SORCS3: variants seen among roughly 807,000 people sequenced by gnomAD.
SORCS3 encodes sortilin related VPS10 domain containing receptor 3, also known as VPS10 domain-containing receptor SorCS3.
Under a neutral mutation model 146.3 loss-of-function variants are expected in SORCS3, and 57 were observed. The observed-to-expected ratio is 0.39, with a 90% confidence interval of 0.31 to 0.49. SORCS3 has a LOEUF of 0.49. Among genes scored for constraint, SORCS3 ranks in the 20% least tolerant of loss-of-function variants. SORCS3 has a pLI of 0.92. For synonymous variants in SORCS3, 653 were observed against 618.5 expected, an observed-to-expected ratio of 1.06 and a Z score of -0.83; for missense variants, 1,341 against 1,575.5, an observed-to-expected ratio of 0.85 and a Z score of 2.52.
intron 2 of SORCS3, among the ~76,000 whole-genome samples, chr10:104,856,360 A>G (rs2018331693): frequency 6.6e-6 from 1 of 150,382 alleles, no homozygotes; most frequent in Admixed American, 6.6e-5. Context: ...ATATAGAGAG[A>G]AAGATAAAGG....
intron 1 of SORCS3, among the ~76,000 whole-genome samples, chr10:104,751,549 G>T (rs1589485047): frequency 1.3e-5 from 2 of 152,200 alleles, no homozygotes; most frequent in South Asian, 4.2e-4. Context: ...TAGGTCCATT[G>T]CTCCAAAGCC....
intron 4 of SORCS3, among the ~76,000 whole-genome samples, chr10:105,041,141 CA>C (rs1163636988): frequency 6.8e-6 from 1 of 147,766 alleles, no homozygotes; most frequent in African/African-American, 2.5e-5. Flanking sequence ...GAGCTTGCAA[CA>C]GTTGGTTAGC....
chr10:104,657,709 GC>G (rs2015649917), intron 1 of SORCS3, among the ~76,000 whole-genome samples: 1 of 152,176 alleles, frequency 6.6e-6, no homozygotes, highest in Non-Finnish European at 1.5e-5. Context: ...CTCAATAGGG[GC>G]CTTCAGACTC....
At chr10:104,725,056 T>A (rs540261719) in intron 1 of SORCS3, among the ~76,000 whole-genome samples, 23 of 152,274 alleles carry the variant, frequency 1.5e-4, no homozygotes, top group African/African-American at 5.3e-4. Flanking sequence ...GGTGCTCTGG[T>A]TTTTAGAGTT....
chr10:105,237,447 G>A (rs540494584), intron 20 of SORCS3, among the ~76,000 whole-genome samples: 4 of 152,292 alleles, frequency 2.6e-5, no homozygotes, highest in East Asian at 3.9e-4. Flanking sequence ...TGCATTAATA[G>A]CATTTGTATT....
intron 1 of SORCS3, among the ~76,000 whole-genome samples, chr10:104,776,661 C>A (rs2017311316): frequency 6.6e-6 from 1 of 151,912 alleles, no homozygotes; most frequent in East Asian, 1.9e-4. Flanking sequence ...TCTTAAAGGG[C>A]AGTCCAGAAT....
intron 13 of SORCS3, among the ~76,000 whole-genome samples, chr10:105,173,593 C>T (rs1018258665): frequency 1.3e-4 from 20 of 152,170 alleles, no homozygotes; most frequent in African/African-American, 3.6e-4. Context: ...CAACTCATTT[C>T]CTTGAATCCA....
At chr10:104,950,109 A>G (rs752001163) in intron 3 of SORCS3, among the ~76,000 whole-genome samples, 3 of 152,222 alleles carry the variant, frequency 2.0e-5, no homozygotes, top group Non-Finnish European at 4.4e-5. Context: ...AACAGCAGCA[A>G]GAAGAGCAAA....
intron 25 of SORCS3, among the ~76,000 whole-genome samples, chr10:105,257,336 C>A (rs72819929): frequency 6.6e-6 from 1 of 151,984 alleles, no homozygotes; most frequent in Admixed American, 6.6e-5. Flanking sequence ...GTACAGACAC[C>A]GATGCATTTT....
At chr10:105,242,312 A>ATATATATATTTATACATATATT (rs1564793232) in intron 20 of SORCS3, among the ~76,000 whole-genome samples, 10 of 132,080 alleles carry the variant, frequency 7.6e-5, no homozygotes, top group African/African-American at 2.9e-4. Flanking sequence ...ACATATATTT[A>ATATATATATTTATACATATATT]TATATATATT....
intron 1 of SORCS3, among the ~76,000 whole-genome samples, chr10:104,744,497 AAC>A: frequency 6.6e-6 from 1 of 152,324 alleles, no homozygotes; most frequent in South Asian, 2.1e-4. Context: ...TAATCCTCAC[AAC>A]AATCCTATGG....
At chr10:105,039,865 G>C (rs978926088) in intron 4 of SORCS3, among the ~76,000 whole-genome samples, 4 of 152,236 alleles carry the variant, frequency 2.6e-5, no homozygotes, top group Non-Finnish European at 4.4e-5. Context: ...TGAAACTGAT[G>C]ATTTCTCTGA....
chr10:104,838,108 G>A lies in SORCS3; in HGVS notation c.628-4684G>A, dbSNP rs1333215783. ...GTGTAGTACTTAGCACATAGTAGGAGTGCAATTAATGTTAGCTCCTGCTTA... is the reference window on the plus strand; with the variant it reads ...GTGTAGTACTTAGCACATAGTAGGAATGCAATTAATGTTAGCTCCTGCTTA... On this transcript the variant is annotated intron_variant, in intron 1 of 26. Coordinates refer to ENST00000369701, the MANE Select transcript of SORCS3 (RefSeq NM_014978.3). Among the ~76,000 whole-genome samples, 9 of 152,310 alleles carry A rather than the reference G, an allele frequency of 5.9e-5. No individual in the cohort carries two copies. The South Asian group carries it at 1.0e-3, about 18-fold the overall frequency.
intron 2 of SORCS3, among the ~76,000 whole-genome samples, chr10:104,882,579 G>A (rs1342362584): frequency 6.6e-6 from 1 of 152,008 alleles, no homozygotes; most frequent in Non-Finnish European, 1.5e-5. Flanking sequence ...AAGAACCTGA[G>A]GCCCACAGAG....
In SORCS3 at chr10:104,641,908, C is replaced by T. The variant is rs755334735; in HGVS notation, c.581C>T (p.Ser194Leu). 22 of 1,597,878 alleles carry T rather than the reference C, an allele frequency of 1.4e-5. No homozygotes were observed. In the East Asian group the frequency reaches 4.9e-4, roughly 36 times the overall value. The change falls in exon 1 of 27, where the codon TCG (serine) becomes TTG (leucine). Residue 194 changes from serine to leucine, a missense_variant. Coordinates refer to ENST00000369701, the MANE Select transcript of SORCS3 (RefSeq NM_014978.3). The surrounding 1 kb of genome is among the most constrained non-coding windows in gnomAD (Gnocchi z 6.4). ...ACCTCCTTCGCGCTGACCGGGGACT[C>T]GGCCCACAACCAAGCCATGGTGCAC... ...PSTSFALTGDSAHNQAMVHWS... is the reference protein window; with the variant it reads ...PSTSFALTGDLAHNQAMVHWS...
chr10:104,987,244 A>G (rs2054967698), intron 4 of SORCS3, among the ~76,000 whole-genome samples: 1 of 152,128 alleles, frequency 6.6e-6, no homozygotes, highest in Non-Finnish European at 1.5e-5. Context: ...AGGGAGAAAA[A>G]TTATTTTAAA....
intron 7 of SORCS3, among the ~76,000 whole-genome samples, chr10:105,117,417 G>A (rs952616500): frequency 2.6e-5 from 4 of 152,134 alleles, no homozygotes; most frequent in Admixed American, 2.0e-4. Context: ...TTTAAGTGAA[G>A]TAGAAGGCAT....
chr10:104,786,169 T>C (rs1054448962), intron 1 of SORCS3, among the ~76,000 whole-genome samples: 5 of 152,116 alleles, frequency 3.3e-5, no homozygotes, highest in African/African-American at 1.2e-4. Context: ...TTATTTAGTT[T>C]CTATATGTCA....
At chr10:104,984,699 A>C (rs1485999130) in intron 4 of SORCS3, among the ~76,000 whole-genome samples, 1 of 152,204 alleles carries the variant, frequency 6.6e-6, no homozygotes, top group Non-Finnish European at 1.5e-5. Flanking sequence ...TTAAATACAT[A>C]CAGGCGTATC....
Sources: gnomAD v4.1 joint callset for allele counts (sites outside exome capture counted in the v4.1 genomes callset) on GRCh38, gnomAD v4.1.1 for gene constraint, Gnocchi (gnomAD v3.1) non-coding constraint, MANE v1.5 for transcripts, NCBI Gene and HGNC (gene_info 2026-07-23, HGNC 2026-07-21) for gene names.